The following SYNE1 variants were observed in gnomAD, a reference collection of about 807,000 sequenced individuals.
SYNE1 encodes the protein spectrin repeat containing nuclear envelope protein 1, also known as nesprin-1.
Under a neutral mutation model 1,111.0 loss-of-function variants are expected in SYNE1, and 616 were observed. The ratio of observed to expected loss-of-function variants is 0.55; its 90% CI spans 0.52 to 0.59. The LOEUF is 0.59. Ranked by LOEUF, SYNE1 falls within the 20% of genes least tolerant of loss-of-function variation. The pLI is 0.00. For synonymous variants in SYNE1, 3,855 were observed against 3,825.8 expected (o/e 1.01, Z -0.28); for missense variants, 10,006 against 10,417.0 (o/e 0.96, Z 1.72).
intron 98 of SYNE1, among the ~76,000 whole-genome samples, chr6:152,271,097 G>A (rs2153685672): frequency 6.6e-6 from 1 of 152,190 alleles, no homozygotes; most frequent in East Asian, 1.9e-4. Flanking sequence ...TGCAATGTCT[G>A]AGCACAACAT....
At chr6:152,495,245 T>A (rs1303678640) in intron 11 of SYNE1, among the ~76,000 whole-genome samples, 2 of 152,174 alleles carry the variant, frequency 1.3e-5, no homozygotes, top group Admixed American at 6.5e-5. Context: ...GTCAGGAAAC[T>A]AAAATACCTC....
chr6:152,310,889 A>G lies in SYNE1; in HGVS notation c.16711-16T>C. On this transcript the variant is annotated splice_polypyrimidine_tract_variant and intron_variant, in intron 87 of 145. Transcript: ENST00000367255. Reference sequence around the variant, plus strand: ...CTAGCAGGGTCTAGAGTGAATTGTCAATATTCATGACATTGACGGGCAGGT... The same window carrying G: ...CTAGCAGGGTCTAGAGTGAATTGTCGATATTCATGACATTGACGGGCAGGT... 1 of 1,612,540 alleles carries G rather than the reference A, an allele frequency of 6.2e-7. No individual in the cohort carries two copies. The highest frequency in any genetic ancestry group is 8.5e-7 in the Non-Finnish European group (1 of 1,179,340).
intron 73 of SYNE1, among the ~76,000 whole-genome samples, chr6:152,346,828 CA>C (rs1220751783): frequency 1.3e-5 from 2 of 151,972 alleles, no homozygotes; most frequent in African/African-American, 4.8e-5. Flanking sequence ...CAAAACAAAA[CA>C]AAAAAACCAA....
rs368727420 is a variant in SYNE1, at chr6:152,436,033, T to G, written c.4218A>C (p.Ile1406=). 6.2e-6 allele frequency: 10 copies of G among 1,614,154 alleles called. No homozygotes were observed. In the Admixed American group the frequency reaches 1.7e-4, roughly 27 times the overall value. ...AENLVKEASE[I]PLGPQNKQLL... The stretch of plus-strand genomic sequence containing the variant: ...GCTGCTTATTTTGGGGCCCAAGCGG[T>G]ATCTCTGAAGCTTCCTTTACAAGGT... Residue 1406 remains isoleucine (I), a synonymous_variant, in exon 33 of 146, where the codon ATA becomes ATC. Transcript: ENST00000367255.
intron 139 of SYNE1, 73 bp from the exon 140 acceptor site, chr6:152,140,234 G>C: frequency 2.0e-6 from 3 of 1,486,066 alleles, no homozygotes; most frequent in Non-Finnish European, 2.8e-6. Context: ...TTTAAACATA[G>C]GTTGGCAGCC....
intron 3 of SYNE1, among the ~76,000 whole-genome samples, chr6:152,624,599 T>C (rs12110521): frequency 0.017 from 2,563 of 152,300 alleles, 66 homozygotes; most frequent in African/African-American, 0.058. Flanking sequence ...CCCTTTATTA[T>C]ACTATTGTCC....
intron 47 of SYNE1, 28 bp from the exon 48 acceptor site, chr6:152,399,851 A>G (rs1330293618): frequency 6.3e-7 from 1 of 1,596,872 alleles, no homozygotes; most frequent in South Asian, 1.1e-5. Context: ...ATTATGAAGG[A>G]TATTCATAAC....
At chr6:152,419,512 A>G in intron 40 of SYNE1, 57 bp downstream of exon 40, 1 of 1,536,844 alleles carries the variant, frequency 6.5e-7, no homozygotes, top group Non-Finnish European at 8.8e-7. Flanking sequence ...TTTTAATTCA[A>G]GAACTTTTTT....
chr6:152,402,852 C>G (rs1473001694), intron 46 of SYNE1, among the ~76,000 whole-genome samples: 1 of 152,128 alleles, frequency 6.6e-6, no homozygotes, highest in Non-Finnish European at 1.5e-5. Flanking sequence ...CTGCTCAACT[C>G]TGTAAAAGTC....
intron 31 of SYNE1, among the ~76,000 whole-genome samples, chr6:152,441,508 T>C (rs1440988709): frequency 6.6e-6 from 1 of 152,128 alleles, no homozygotes; most frequent in African/African-American, 2.4e-5. Flanking sequence ...TTTTTATAAT[T>C]TGTAAAGTCT....
intron 3 of SYNE1, among the ~76,000 whole-genome samples, chr6:152,601,634 C>G (rs1271320971): frequency 6.6e-6 from 1 of 152,080 alleles, no homozygotes; most frequent in Non-Finnish European, 1.5e-5. Context: ...CAGGAGGAGC[C>G]CTTAAACACC....
chr6:152,493,724 C>A (rs2098984188), intron 11 of SYNE1, among the ~76,000 whole-genome samples: 1 of 152,010 alleles, frequency 6.6e-6, no homozygotes, highest in South Asian at 2.1e-4. Context: ...TTCATAAAAG[C>A]ACATATGCTC....
intron 74 of SYNE1, among the ~76,000 whole-genome samples, chr6:152,343,071 C>T (rs947150759): frequency 6.6e-6 from 1 of 151,880 alleles, no homozygotes; most frequent in East Asian, 1.9e-4. Context: ...AGAAATTAAG[C>T]GACTTACCCA....
chr6:152,216,382 T>C (rs897270620), intron 121 of SYNE1, among the ~76,000 whole-genome samples: 1 of 152,094 alleles, frequency 6.6e-6, no homozygotes, highest in Non-Finnish European at 1.5e-5. Context: ...AGAAAAACAA[T>C]AGTGTGCTAT....
chr6:152,346,488 T>A (rs1432595066), intron 73 of SYNE1, among the ~76,000 whole-genome samples: 1 of 152,048 alleles, frequency 6.6e-6, no homozygotes, highest in Non-Finnish European at 1.5e-5. Flanking sequence ...TTAACAAACC[T>A]TTTCACAATC....
chr6:152,449,398 GGACTTATTTTAAA>G, intron 28 of SYNE1, 122 bp downstream of exon 28: 1 of 715,562 alleles, frequency 1.4e-6, no homozygotes, highest in Non-Finnish European at 2.5e-6. Context: ...TAATATAAGG[GGACTTATTTTAAA>G]GACAATTTTC....
chr6:152,149,039 T>C (rs1324801205), intron 136 of SYNE1, among the ~76,000 whole-genome samples: 1 of 152,200 alleles, frequency 6.6e-6, no homozygotes, highest in Non-Finnish European at 1.5e-5. Context: ...ACCTCATCAA[T>C]TAAGAAGCTG....
rs200275358 is a variant in SYNE1, at chr6:152,367,086, G to A, written c.9972+132C>T. On this transcript the variant is annotated intron_variant, in intron 62 of 145. Transcript: ENST00000367255. Reference sequence around the variant, plus strand: ...GGCATGTGCACCCAAGGCAGACAGCGTTGCACTCACAAAGCATCTGAGATT... The same window carrying A: ...GGCATGTGCACCCAAGGCAGACAGCATTGCACTCACAAAGCATCTGAGATT... 1,357 of 1,121,980 alleles carry A rather than the reference G, an allele frequency of 1.2e-3. 2 individuals are homozygous for A. The highest frequency in any genetic ancestry group is 1.6e-3 in the Non-Finnish European group (1,210 of 734,958). The allele number at this position is 1,121,980 out of a possible 1,614,324, so 69.5% of individuals were successfully genotyped here. A position where few individuals can be genotyped will look rare whatever the true frequency, so the allele number is the denominator to read the frequency against.
intron 53 of SYNE1, among the ~76,000 whole-genome samples, chr6:152,388,019 C>T (rs917619392): frequency 5.3e-5 from 8 of 152,082 alleles, no homozygotes; most frequent in Non-Finnish European, 4.4e-5. Context: ...AAGAAAAATC[C>T]CTCCATTATT....
Sources: allele counts gnomAD v4.1 joint callset (sites outside exome capture counted in the v4.1 genomes callset), GRCh38; gene constraint gnomAD v4.1.1; transcripts MANE v1.5; gene names NCBI Gene and HGNC (gene_info 2026-07-23, HGNC 2026-07-21).